SOBP: variants seen among roughly 807,000 people sequenced by gnomAD.
The protein encoded by SOBP is sine oculis binding protein homolog.
A neutral mutation model predicts 53.6 loss-of-function variants in SOBP; 4 were observed. The ratio of observed to expected loss-of-function variants is 0.07; its 90% CI spans 0.04 to 0.17. The LOEUF (loss-of-function observed/expected upper bound fraction) is 0.17. SOBP is among the 10% of genes least tolerant of loss of function. The pLI is 1.00. For synonymous variants in SOBP, 584 were observed against 522.6 expected (o/e 1.12, Z -1.60); for missense variants, 1,088 against 1,204.7 (o/e 0.90, Z 1.43).
chr6:107,535,590 A>G (rs188458409), intron 4 of SOBP, among the ~76,000 whole-genome samples: 1 of 149,100 alleles, frequency 6.7e-6, no homozygotes, highest in Admixed American at 6.7e-5. Flanking sequence ...ATATATCCCA[A>G]AGCTCTGATG....
intron 4 of SOBP, among the ~76,000 whole-genome samples, chr6:107,554,571 C>T (rs548434256): frequency 2.6e-5 from 4 of 152,096 alleles, no homozygotes; most frequent in Admixed American, 6.5e-5. Context: ...CTTAATTTGC[C>T]AAGACATCTC....
Position 107,641,339 on chromosome 6 carries a change from G to A in SOBP, c.*3+5870G>A, listed in dbSNP as rs1771309337. On this transcript the variant is annotated intron_variant, in intron 6 of 6. Transcript: ENST00000317357. ...CTTCAAGTTACCATTTCCCACAAGG[G>A]CCTGTGATGAAAGAAGAAAAGAGAA... Among the ~76,000 whole-genome samples the A allele has an allele frequency of 2.0e-5, 3 of 152,178 alleles. No individual in the cohort carries two copies. The South Asian group carries it at 6.2e-4, about 32-fold the overall frequency.
intron 4 of SOBP, among the ~76,000 whole-genome samples, chr6:107,540,775 T>C (rs1289322684): frequency 1.3e-5 from 2 of 152,180 alleles, no homozygotes; most frequent in African/African-American, 4.8e-5. Context: ...CTCCCAGAAG[T>C]TGTGTTGTCT....
intron 3 of SOBP, among the ~76,000 whole-genome samples, chr6:107,519,939 C>T (rs886685523): frequency 2.6e-5 from 4 of 152,046 alleles, no homozygotes; most frequent in Admixed American, 6.5e-5. Flanking sequence ...GCCATGTGTA[C>T]AGAAGTCCAC....
intron 4 of SOBP, among the ~76,000 whole-genome samples, chr6:107,549,840 C>A (rs938905752): frequency 6.6e-6 from 1 of 152,110 alleles, no homozygotes; most frequent in Non-Finnish European, 1.5e-5. Context: ...CTGGAGAAAA[C>A]CTATGTCAAA....
Position 107,634,557 on chromosome 6 carries a change from G to A in SOBP, c.1713G>A (p.Ala571=). 6.2e-7 allele frequency: 1 copy of A among 1,607,136 alleles called. No individual in the cohort carries two copies. The highest frequency in any genetic ancestry group is 8.5e-7 in the Non-Finnish European group (1 of 1,179,768). ...TTCCGAACGCCCCTGGCGACTCCGC[G>A]GCGGCGGGCGGCAAGCCAAGCGGAC... ...NFIPNAPGDS[A]AAGGKPSGHS... Residue 571 remains alanine, a synonymous_variant, in exon 6 of 7, where the codon GCG becomes GCA. Coordinates refer to ENST00000317357, the MANE Select transcript of SOBP (RefSeq NM_018013.4). This position sits in a 1 kb window ranked among gnomAD's most constrained non-coding sequence, Gnocchi z 4.5.
In SOBP at chr6:107,629,231, CTT is replaced by C. The variant is rs5878925; in HGVS notation, c.670-4263_670-4262del. Among the ~76,000 whole-genome samples the C allele has an allele frequency of 8.1e-3, 1,002 of 123,254 alleles. 6 individuals carry two copies. The highest frequency in any genetic ancestry group is 0.026 in the Middle Eastern group (6 of 234). 80.9% of individuals were successfully genotyped at this position (123,254 alleles called of 152,430 possible). A position where few individuals can be genotyped will look rare whatever the true frequency, so the allele number is the denominator to read the frequency against. On this transcript the variant is annotated intron_variant, in intron 5 of 6. Coordinates refer to ENST00000317357, the MANE Select transcript of SOBP (RefSeq NM_018013.4). ...ATGGCATTCACGGAGGTGCTAATAT[CTT>C]TTTTTTTTTTTTTTTTTTTACTGTT... is the stretch of plus-strand genomic sequence containing the variant.
chr6:107,647,376 C>T (rs1771605371), intron 6 of SOBP, among the ~76,000 whole-genome samples: 1 of 152,118 alleles, frequency 6.6e-6, no homozygotes. Flanking sequence ...CATGCAAAAC[C>T]ACTGTCCATG....
chr6:107,560,191 ATTTC>A (rs1784734027), intron 4 of SOBP, among the ~76,000 whole-genome samples: 1 of 152,168 alleles, frequency 6.6e-6, no homozygotes, highest in South Asian at 2.1e-4. Flanking sequence ...AAAAAACAGG[ATTTC>A]AGGAGCCTTA....
rs1400389382 is a variant in SOBP at position 107,660,336 on chromosome 6, C to T, written c.*2133C>T. 6.6e-6 allele frequency among the ~76,000 whole-genome samples: 1 copy of T among 152,180 alleles called. No individual in the cohort carries two copies. Among genetic ancestry groups the T allele is most frequent in the Non-Finnish European group, 1.5e-5 (1 of 68,034 alleles). On this transcript the variant is annotated 3_prime_UTR_variant, in exon 7 of 7. Transcript: ENST00000317357. ...TCCTGACCTGCTAGACCACGCTTGT[C>T]TGCAGACAAGAGCCCACTCCGTCCG...
At chr6:107,575,458 G>T (rs1440827583) in intron 4 of SOBP, among the ~76,000 whole-genome samples, 1 of 152,112 alleles carries the variant, frequency 6.6e-6, no homozygotes, top group Non-Finnish European at 1.5e-5. Context: ...AGTCATCTCT[G>T]AGATGCCATC....
At position 107,651,819 on chromosome 6, in the gene SOBP, T is replaced by A. The variant is rs187787126; in HGVS notation, c.*4-6388T>A. The stretch of plus-strand genomic sequence containing the variant: ...CAGTGTTCACTTACTGTTCTGAAAA[T>A]CCTAGGGCCTTTAAGAATTATGCTA... On this transcript the variant is annotated intron_variant, in intron 6 of 6. Transcript: ENST00000317357. Among the ~76,000 whole-genome samples the A allele has an allele frequency of 1.1e-3, 170 of 152,244 alleles. 1 individual carries two copies. The highest frequency in any genetic ancestry group is 1.0e-3 in the Non-Finnish European group (71 of 68,032).
intron 3 of SOBP, among the ~76,000 whole-genome samples, chr6:107,530,358 A>G (rs1050970529): frequency 3.3e-5 from 5 of 152,182 alleles, no homozygotes; most frequent in African/African-American, 1.2e-4. Flanking sequence ...AAAGAGATGC[A>G]GGGTTGAAGT....
intron 5 of SOBP, among the ~76,000 whole-genome samples, chr6:107,616,609 T>A (rs939644567): frequency 6.6e-6 from 1 of 152,332 alleles, no homozygotes; most frequent in South Asian, 2.1e-4. Context: ...AATAGCCTTG[T>A]AATATGGCTG....
chr6:107,612,727 G>A (rs1278400817), intron 5 of SOBP, among the ~76,000 whole-genome samples: 1 of 151,970 alleles, frequency 6.6e-6, no homozygotes, highest in African/African-American at 2.4e-5. Context: ...CAGAACCTTT[G>A]TAATTATTAA....
intron 3 of SOBP, among the ~76,000 whole-genome samples, chr6:107,518,530 T>C (rs554719107): frequency 6.6e-6 from 1 of 152,220 alleles, no homozygotes; most frequent in East Asian, 1.9e-4. Flanking sequence ...AGGTATGTGC[T>C]CAACACAAAT....
At chr6:107,603,257 C>T (rs1786251886) in intron 5 of SOBP, among the ~76,000 whole-genome samples, 1 of 152,202 alleles carries the variant, frequency 6.6e-6, no homozygotes, top group Non-Finnish European at 1.5e-5. Flanking sequence ...CAAAGCCTGC[C>T]TCCCAGTGTG....
chr6:107,628,359 C>CTCCCT (rs1770554212), intron 5 of SOBP, among the ~76,000 whole-genome samples: 1 of 152,120 alleles, frequency 6.6e-6, no homozygotes, highest in Non-Finnish European at 1.5e-5. Flanking sequence ...GCCCTGGGGA[C>CTCCCT]AGAGCCTCCT....
In SOBP at chr6:107,542,006, G is replaced by A. The variant is rs535368503; in HGVS notation, c.573+8396G>A. Among the ~76,000 whole-genome samples, 8 of 152,096 alleles carry A rather than the reference G, an allele frequency of 5.3e-5. No individual in the cohort carries two copies. The Middle Eastern group carries it at 0.01, about 194-fold the overall frequency. On this transcript the variant is annotated intron_variant, in intron 4 of 6. Coordinates refer to ENST00000317357, the MANE Select transcript of SOBP (RefSeq NM_018013.4). ...ATATTGAGCCTGTATACGGCACTAA[G>A]CATGTTTTAGTCTTGGTGGGTAGAC...
Sources: allele counts gnomAD v4.1 joint callset (sites outside exome capture counted in the v4.1 genomes callset), GRCh38; gene constraint gnomAD v4.1.1; non-coding constraint Gnocchi (gnomAD v3.1); transcripts MANE v1.5; gene names NCBI Gene and HGNC (gene_info 2026-07-23, HGNC 2026-07-21).